Variants in SNTG2 observed in about 807,000 individuals in gnomAD.
SNTG2 encodes the protein syntrophin gamma 2.
SNTG2 carries 74 observed loss-of-function variants against 70.9 expected under a neutral mutation model. The observed-to-expected ratio is 1.04, with a 90% CI of 0.86 to 1.27. The LOEUF is 1.27. Among genes scored for constraint, SNTG2 ranks in the 50% most tolerant of loss-of-function variants. SNTG2 has a pLI of 0.00. For missense variants in SNTG2, 717 were observed against 690.7 expected (o/e 1.04, Z -0.43); for synonymous variants, 278 against 273.8 (o/e 1.02, Z -0.15).
At chr2:1,298,229 C>T (rs1680305713) in intron 14 of SNTG2, among the ~76,000 whole-genome samples, 2 of 152,078 alleles carry the variant, frequency 1.3e-5, no homozygotes, top group Admixed American at 6.6e-5. Flanking sequence ...GCCTCCCAGG[C>T]TCAAGAGAGT....
At chr2:1,297,782 G>T (rs1680285279) in intron 14 of SNTG2, among the ~76,000 whole-genome samples, 1 of 152,238 alleles carries the variant, frequency 6.6e-6, no homozygotes, top group African/African-American at 2.4e-5. Flanking sequence ...CAGGGATCTT[G>T]TCCTCGTTCC....
intron 9 of SNTG2, among the ~76,000 whole-genome samples, chr2:1,220,765 T>A (rs1445655367): frequency 1.3e-5 from 2 of 152,228 alleles, no homozygotes; most frequent in African/African-American, 2.4e-5. Flanking sequence ...GTGTTTAAGA[T>A]CTGGAGGTCC....
At position 1,351,909 on chromosome 2, in the gene SNTG2, G is replaced by T. The variant is rs1206198639; in HGVS notation, c.1489-15434G>T. Among the ~76,000 whole-genome samples, 7 of 152,070 alleles carry T rather than the reference G, an allele frequency of 4.6e-5. No homozygotes were observed. In the South Asian group the frequency reaches 1.2e-3, roughly 27 times the overall value. ...CCCTCACCCTCCCTGGACTCTTGCA[G>T]CCCCTCCTGAGGGAAAGTCCTGTAC... On this transcript the variant is annotated intron_variant, in intron 16 of 16. Transcript: ENST00000308624.
chr2:1,099,125 T>C (rs1398294205), intron 4 of SNTG2, among the ~76,000 whole-genome samples: 1 of 152,170 alleles, frequency 6.6e-6, no homozygotes, highest in African/African-American at 2.4e-5. Flanking sequence ...TCTGCATCCT[T>C]GTGGCTGGCC....
At chr2:1,137,093 C>T (rs778486824) in intron 4 of SNTG2, among the ~76,000 whole-genome samples, 3 of 152,214 alleles carry the variant, frequency 2.0e-5, no homozygotes, top group Admixed American at 6.5e-5. Flanking sequence ...TCTTAATGCA[C>T]GTAAATCAAT....
intron 12 of SNTG2, among the ~76,000 whole-genome samples, chr2:1,249,730 T>C (rs1480650866): frequency 2.6e-5 from 4 of 152,388 alleles, no homozygotes; most frequent in Admixed American, 1.3e-4. Context: ...AATAATTCTT[T>C]TAAAGAAATC....
chr2:1,090,212 A>T (rs903800732), intron 2 of SNTG2, among the ~76,000 whole-genome samples: 40 of 152,238 alleles, frequency 2.6e-4, no homozygotes, highest in African/African-American at 9.6e-4. Context: ...ATGAGTTGTT[A>T]TATGAACTGT....
At chr2:1,347,275 G>C (rs759448672) in intron 16 of SNTG2, among the ~76,000 whole-genome samples, 19 of 152,248 alleles carry the variant, frequency 1.2e-4, no homozygotes, top group Non-Finnish European at 2.5e-4. Flanking sequence ...AAACTTGAGA[G>C]GGGTTAGAGC....
In SNTG2 at chr2:1,302,587, A is replaced by G. The variant is rs1432587452; in HGVS notation, c.1285-5907A>G. ...TAAGTAACTTACAGTTAGGCAGGAAAAAAAAGAGAAATCAAAGACAGGAAA... is the reference window on the plus strand; with the variant it reads ...TAAGTAACTTACAGTTAGGCAGGAAGAAAAAGAGAAATCAAAGACAGGAAA... On this transcript the variant is annotated intron_variant, in intron 14 of 16. Coordinates refer to ENST00000308624, the MANE Select transcript of SNTG2 (RefSeq NM_018968.4). 2.6e-5 allele frequency among the ~76,000 whole-genome samples: 4 copies of G among 152,230 alleles called. No homozygotes were observed. The South Asian group carries it at 8.3e-4, about 32-fold the overall frequency.
chr2:1,287,441 CG>C (rs1679809785), intron 14 of SNTG2, among the ~76,000 whole-genome samples: 1 of 152,162 alleles, frequency 6.6e-6, no homozygotes, highest in African/African-American at 2.4e-5. Context: ...GGTTTCTAAA[CG>C]TGTTCACCAC....
At chr2:1,282,122 CCTTA>C (rs1158539388) in intron 14 of SNTG2, among the ~76,000 whole-genome samples, 4 of 152,200 alleles carry the variant, frequency 2.6e-5, no homozygotes, top group Non-Finnish European at 4.4e-5. Flanking sequence ...CGTGTGCCCA[CCTTA>C]CTTATTGGCT....
intron 4 of SNTG2, chr2:1,103,379 CTTTTTTTTTTTA>C (rs770357215): frequency 7.2e-5 from 18 of 248,378 alleles, no homozygotes; most frequent in Admixed American, 5.7e-5. Context: ...TTATAAATTT[CTTTTTTTTTTTA>C]TTTTTTTTTT....
intron 4 of SNTG2, among the ~76,000 whole-genome samples, chr2:1,109,593 A>G (rs35235368): frequency 0.38 from 58,242 of 152,106 alleles, 12,595 homozygotes; most frequent in Non-Finnish European, 0.5. Flanking sequence ...ACAAGGGCTT[A>G]TAAAGAGTCC....
chr2:1,304,576 A>T (rs529783965), intron 14 of SNTG2, among the ~76,000 whole-genome samples: 2 of 152,182 alleles, frequency 1.3e-5, no homozygotes, highest in South Asian at 4.2e-4. Context: ...AAATACAAAA[A>T]ATAGGCGGGC....
Position 1,158,776 on chromosome 2 carries a change from G to C in SNTG2, c.412-6772G>C, listed in dbSNP as rs149546494. On this transcript the variant is annotated intron_variant, in intron 6 of 16. Coordinates refer to ENST00000308624, the MANE Select transcript of SNTG2 (RefSeq NM_018968.4). ...GCTGCGGCATGGTGAGAACAAGAGA[G>C]AGCGCTGTCGTTGCCAATCGTGGTA... is the stretch of plus-strand genomic sequence containing the variant. Among the ~76,000 whole-genome samples the C allele has an allele frequency of 1.8e-3, 278 of 152,296 alleles. 3 individuals are homozygous for C. The highest frequency in any genetic ancestry group is 6.4e-3 in the African/African-American group (266 of 41,538).
chr2:1,061,148 G>A (rs1223215991), intron 1 of SNTG2, among the ~76,000 whole-genome samples: 1 of 152,216 alleles, frequency 6.6e-6, no homozygotes, highest in Non-Finnish European at 1.5e-5. Context: ...TAAGAGACAT[G>A]ACAGCATAGA....
intron 4 of SNTG2, among the ~76,000 whole-genome samples, chr2:1,104,225 G>A (rs1053083302): frequency 6.6e-6 from 1 of 152,162 alleles, no homozygotes; most frequent in East Asian, 1.9e-4. Context: ...GTGCAATGTG[G>A]TTACGACGTT....
At chr2:967,472 T>C (rs1041480417) in intron 1 of SNTG2, among the ~76,000 whole-genome samples, 2 of 152,210 alleles carry the variant, frequency 1.3e-5, no homozygotes, top group East Asian at 3.8e-4. Flanking sequence ...GTGGTAATAG[T>C]GTTTTATTTT....
intron 2 of SNTG2, among the ~76,000 whole-genome samples, chr2:1,096,543 C>T (rs1170819146): frequency 6.6e-6 from 1 of 152,110 alleles, no homozygotes; most frequent in African/African-American, 2.4e-5. Flanking sequence ...CGTTCAACAT[C>T]CTTAGATTCC....
Sources: gnomAD v4.1 joint callset for allele counts (sites outside exome capture counted in the v4.1 genomes callset) on GRCh38, gnomAD v4.1.1 for gene constraint, MANE v1.5 for transcripts, NCBI Gene and HGNC (gene_info 2026-07-23, HGNC 2026-07-21) for gene names.